The following ZHX2 variants were observed in gnomAD, a reference collection of about 807,000 sequenced individuals.
ZHX2 encodes the protein zinc fingers and homeoboxes protein 2.
A neutral mutation model predicts 21.9 loss-of-function variants in ZHX2; 6 were observed. The ratio of observed to expected loss-of-function variants is 0.27; its 90% CI spans 0.15 to 0.54. ZHX2 has a LOEUF of 0.54. ZHX2 is among the 20% of genes least tolerant of loss of function. ZHX2 has a pLI of 0.95. For missense variants in ZHX2, 908 were observed against 1,090.7 expected, an observed-to-expected ratio of 0.83 and a Z score of 2.36; for synonymous variants, 434 against 437.1, an observed-to-expected ratio of 0.99 and a Z score of 0.09.
At chr8:122,799,397 AT>A (rs33947288) in intron 1 of ZHX2, among the ~76,000 whole-genome samples, 44,015 of 148,898 alleles carry the variant, frequency 0.3, 6,592 homozygotes, top group Non-Finnish European at 0.34. Flanking sequence ...GTGCGCCACA[AT>A]TTTTTTTTTT....
intron 1 of ZHX2, among the ~76,000 whole-genome samples, chr8:122,845,701 T>G (rs1355369119): frequency 6.6e-6 from 1 of 152,250 alleles, no homozygotes; most frequent in African/African-American, 2.4e-5. Context: ...GTGCTTTTTA[T>G]GTCCCCACTC....
intron 1 of ZHX2, among the ~76,000 whole-genome samples, chr8:122,808,298 G>A (rs1349479768): frequency 6.6e-6 from 1 of 152,180 alleles, no homozygotes; most frequent in Non-Finnish European, 1.5e-5. Context: ...CCAAGACTGG[G>A]TAATTTATAA....
chr8:122,909,348 G>C (rs1277866222), intron 2 of ZHX2, among the ~76,000 whole-genome samples: 2 of 151,806 alleles, frequency 1.3e-5, no homozygotes, highest in Admixed American at 1.3e-4. Flanking sequence ...CAGGAGAATG[G>C]CTTGAACCCA....
chr8:122,780,803 A>G (rs1269043885), upstream of ZHX2: 1 of 152,202 alleles, frequency 6.6e-6, no homozygotes, highest in African/African-American at 2.4e-5. Context: ...AGGCGTGTGC[A>G]TTTCTTCGAA....
intron 1 of ZHX2, among the ~76,000 whole-genome samples, chr8:122,810,228 A>G (rs187565610): frequency 9.7e-4 from 148 of 152,376 alleles, no homozygotes; most frequent in Non-Finnish European, 4.9e-4. Context: ...GCAGTGACAC[A>G]TAAATGCCCT....
intron 3 of ZHX2, among the ~76,000 whole-genome samples, chr8:122,955,666 G>T (rs928688133): frequency 6.6e-6 from 1 of 152,014 alleles, no homozygotes; most frequent in Non-Finnish European, 1.5e-5. Context: ...TGTGTGTCAA[G>T]GGTGTGGGCA....
chr8:122,918,896 C>T (rs1202829288), intron 2 of ZHX2, among the ~76,000 whole-genome samples: 5 of 149,826 alleles, frequency 3.3e-5, no homozygotes, highest in Admixed American at 6.7e-5. Flanking sequence ...TGCAGTGAGC[C>T]GAGATCACGC....
chr8:122,855,099 G>A (rs1007448300), intron 1 of ZHX2, among the ~76,000 whole-genome samples: 1 of 152,108 alleles, frequency 6.6e-6, no homozygotes, highest in African/African-American at 2.4e-5. Context: ...CTTAGCTCTG[G>A]CCTCTGTGCA....
chr8:122,783,707 G>C (rs927716406), intron 1 of ZHX2, among the ~76,000 whole-genome samples: 1 of 152,166 alleles, frequency 6.6e-6, no homozygotes, highest in Non-Finnish European at 1.5e-5. Flanking sequence ...TTGTAAAATG[G>C]CATGTTTAAT....
intron 2 of ZHX2, among the ~76,000 whole-genome samples, chr8:122,933,360 C>T (rs555935701): frequency 6.6e-6 from 1 of 152,244 alleles, no homozygotes; most frequent in African/African-American, 2.4e-5. Context: ...TTATCTTAAA[C>T]ATTTGATAGT....
At chr8:122,805,860 C>A (rs1000645003) in intron 1 of ZHX2, among the ~76,000 whole-genome samples, 2 of 152,158 alleles carry the variant, frequency 1.3e-5, no homozygotes, top group African/African-American at 2.4e-5. Context: ...TTTTGAACTG[C>A]TTGTAGGTCC....
intron 2 of ZHX2, among the ~76,000 whole-genome samples, chr8:122,947,979 C>T (rs1013375380): frequency 3.3e-5 from 5 of 152,210 alleles, no homozygotes; most frequent in East Asian, 1.9e-4. Context: ...TAAAAAGAAA[C>T]GGCTGCCCTC....
At chr8:122,920,291 A>T (rs1158959924) in intron 2 of ZHX2, among the ~76,000 whole-genome samples, 1 of 152,222 alleles carries the variant, frequency 6.6e-6, no homozygotes, top group Admixed American at 6.5e-5. Flanking sequence ...AAACAAAAAA[A>T]AAATTCAAAT....
At chr8:122,785,379 TG>T (rs1817375207) in intron 1 of ZHX2, among the ~76,000 whole-genome samples, 2 of 152,206 alleles carry the variant, frequency 1.3e-5, no homozygotes, top group Admixed American at 6.5e-5. Context: ...TACACTGCCA[TG>T]CTTAGAGTGG....
chr8:122,927,342 A>C (rs371249135), intron 2 of ZHX2, among the ~76,000 whole-genome samples: 4 of 152,276 alleles, frequency 2.6e-5, no homozygotes, highest in South Asian at 4.1e-4. Context: ...TAAAAATACA[A>C]AAATTAGCCA....
intron 1 of ZHX2, among the ~76,000 whole-genome samples, chr8:122,849,424 T>C (rs1020159444): frequency 6.6e-6 from 1 of 152,214 alleles, no homozygotes; most frequent in African/African-American, 2.4e-5. Context: ...GTTAAAGCAA[T>C]AGAAATTTAT....
At chr8:122,925,444 C>T (rs1297366274) in intron 2 of ZHX2, among the ~76,000 whole-genome samples, 5 of 152,120 alleles carry the variant, frequency 3.3e-5, no homozygotes, top group Non-Finnish European at 7.3e-5. Context: ...GAGCTCTTGA[C>T]CCACTAGGGG....
At chr8:122,853,440 A>T (rs1277525163) in intron 1 of ZHX2, among the ~76,000 whole-genome samples, 2 of 152,310 alleles carry the variant, frequency 1.3e-5, no homozygotes, top group African/African-American at 4.8e-5. Flanking sequence ...TGAATGTGTT[A>T]GCACAGAGGG....
At chr8:122,847,408 CCTT>C in intron 1 of ZHX2, among the ~76,000 whole-genome samples, 1 of 152,342 alleles carries the variant, frequency 6.6e-6, no homozygotes, top group South Asian at 2.1e-4. Context: ...CACCCAGTGA[CCTT>C]CTCCAACAGG....
Sources: allele counts gnomAD v4.1 joint callset (sites outside exome capture counted in the v4.1 genomes callset), GRCh38; gene constraint gnomAD v4.1.1; transcripts MANE v1.5; gene names NCBI Gene and HGNC (gene_info 2026-07-23, HGNC 2026-07-21).